Variants in ATP6V0A1 observed in about 807,000 individuals in gnomAD.
The protein encoded by ATP6V0A1 is V-type proton ATPase 116 kDa subunit a 1.
Under a neutral mutation model 105.4 loss-of-function variants are expected in ATP6V0A1, and 43 were observed. The observed-to-expected ratio is 0.41, with a 90% CI of 0.32 to 0.53. The LOEUF is 0.53. Ranked by LOEUF, ATP6V0A1 falls within the 20% of genes least tolerant of loss-of-function variation. The pLI is 0.30. For missense variants in ATP6V0A1, 676 were observed against 1,051.1 expected (o/e 0.64, Z 4.93); for synonymous variants, 362 against 372.8 (o/e 0.97, Z 0.33).
At position 42,483,258 on chromosome 17, in the gene ATP6V0A1, A is replaced by C. The variant is rs142427885; in HGVS notation, c.810+127A>C. 1.2e-3 allele frequency: 733 copies of C among 589,044 alleles called. 8 individuals are homozygous for C. The African/African-American group carries it at 0.013, about 10-fold the overall frequency. The allele number at this position is 589,044 out of a possible 1,614,324, so 36.5% of individuals were successfully genotyped here. On this transcript the variant is annotated intron_variant, in intron 9 of 21. Coordinates refer to ENST00000343619, the MANE Select transcript of ATP6V0A1 (RefSeq NM_001130021.3). ...ACCAGGATACCAAAAAAAGAAATGT[A>C]CATGGGTAATATGTCCTTCTGGGAG...
chr17:42,491,922 C>G (rs2090676867), intron 11 of ATP6V0A1, among the ~76,000 whole-genome samples: 1 of 152,228 alleles, frequency 6.6e-6, no homozygotes, highest in South Asian at 2.1e-4. Flanking sequence ...GCCACTGCGC[C>G]CAGCCAATCC....
intron 9 of ATP6V0A1, among the ~76,000 whole-genome samples, chr17:42,486,346 G>GGTT (rs2090112281): frequency 6.6e-6 from 1 of 152,106 alleles, no homozygotes; most frequent in Non-Finnish European, 1.5e-5. Context: ...GGGAGGTGGA[G>GGTT]GTTGTGGTGA....
At chr17:42,468,237 G>C (rs2061173623) in intron 4 of ATP6V0A1, 130 bp downstream of exon 4, 1 of 522,688 alleles carries the variant, frequency 1.9e-6, no homozygotes, top group African/African-American at 2.0e-5. Flanking sequence ...TAAGTTTCTT[G>C]TAGGTGGGAT....
intron 2 of ATP6V0A1, among the ~76,000 whole-genome samples, 199 bp from the exon 3 acceptor site, chr17:42,466,230 C>A (rs563665268): frequency 6.6e-6 from 1 of 152,290 alleles, no homozygotes; most frequent in Non-Finnish European, 1.5e-5. Context: ...AATGTTGCAG[C>A]AACGAGGGAG....
intron 14 of ATP6V0A1, 104 bp from the exon 15 acceptor site, chr17:42,498,820 G>A (rs1002388216): frequency 1.3e-5 from 10 of 754,560 alleles, no homozygotes; most frequent in Admixed American, 5.0e-5. Context: ...AGCGAGACTC[G>A]TCTCTAAATA....
intron 21 of ATP6V0A1, chr17:42,520,184 T>A (rs571937808): frequency 3.0e-6 from 1 of 338,772 alleles, no homozygotes; most frequent in Non-Finnish European, 5.8e-6. Flanking sequence ...ATGTGGAAAC[T>A]ATTCCTCAGG....
At chr17:42,470,378 T>G (rs978893903) in intron 5 of ATP6V0A1, 160 bp downstream of exon 5, 1 of 857,612 alleles carries the variant, frequency 1.2e-6, no homozygotes, top group Non-Finnish European at 1.8e-6. Flanking sequence ...TGTTCCATTT[T>G]TCATGCAGTA....
chr17:42,462,044 CAAAAA>C (rs1040242459), intron 2 of ATP6V0A1, among the ~76,000 whole-genome samples: 3 of 52,898 alleles, frequency 5.7e-5, no homozygotes, highest in Non-Finnish European at 3.8e-5. Flanking sequence ...CCGTCTCTGC[CAAAAA>C]AAAAAAAAAA....
intron 5 of ATP6V0A1, among the ~76,000 whole-genome samples, chr17:42,473,786 A>G (rs1489581040): frequency 6.6e-6 from 1 of 152,242 alleles, no homozygotes; most frequent in African/African-American, 2.4e-5. Flanking sequence ...AAGGGAAATA[A>G]TTATTTAAAC....
chr17:42,465,546 T>G (rs887398406), intron 2 of ATP6V0A1, among the ~76,000 whole-genome samples: 1 of 151,802 alleles, frequency 6.6e-6, no homozygotes, highest in African/African-American at 2.4e-5. Context: ...CACCTTGGCC[T>G]CCCAAAATGC....
intron 10 of ATP6V0A1, among the ~76,000 whole-genome samples, chr17:42,490,075 G>A (rs2090487274): frequency 6.6e-6 from 1 of 152,206 alleles, no homozygotes; most frequent in African/African-American, 2.4e-5. Flanking sequence ...CAAGGGATCA[G>A]GAAGTTAAGA....
chr17:42,495,097 A>C lies in ATP6V0A1; in HGVS notation c.1378A>C (p.Thr460Pro). Residue 460 changes from threonine (T) to proline (P), a missense_variant, in exon 13 of 22, where the codon ACT becomes CCT. Physicochemically the swap from Thr to Pro is conservative, Grantham distance 38 (BLOSUM62 -1). Around this residue, in one of 3 missense-constraint regions of ATP6V0A1, gnomAD observed 435 missense variants for 642.2 expected, o/e 0.68. Transcript: ENST00000343619. ...ATTGATGGGTGTGTTCTCCATGTAC[A>C]CTGGCCTCATCTACAATGATTGCTT... ...ILLMGVFSMYTGLIYNDCFSK... is the reference protein window; with the variant it reads ...ILLMGVFSMYPGLIYNDCFSK... 1 of 1,613,980 alleles carries C rather than the reference A, an allele frequency of 6.2e-7. No homozygotes were observed. The highest frequency in any genetic ancestry group is 8.5e-7 in the Non-Finnish European group (1 of 1,179,830).
At position 42,517,307 on chromosome 17, in the gene ATP6V0A1, A is replaced by AC. The variant is rs530734145; in HGVS notation, c.2420+2847_2420+2848insC. On this transcript the variant is annotated intron_variant, in intron 21 of 21. Transcript: ENST00000343619. ...AACAACAACAACAACAACAACAACA[A>AC]AAAAACCTGGGATGCCCTAGAGAGA... Among the ~76,000 whole-genome samples the AC allele has an allele frequency of 1.7e-4, 25 of 148,996 alleles. No homozygotes were observed. The South Asian group carries it at 2.7e-3, about 16-fold the overall frequency.
At chr17:42,516,640 C>A (rs956408521) in intron 21 of ATP6V0A1, among the ~76,000 whole-genome samples, 1 of 152,210 alleles carries the variant, frequency 6.6e-6, no homozygotes, top group Non-Finnish European at 1.5e-5. Context: ...CGTGGGTAGC[C>A]GGTCATCTCC....
chr17:42,498,515 AAAT>A (rs1352127569), intron 14 of ATP6V0A1, among the ~76,000 whole-genome samples: 3 of 152,078 alleles, frequency 2.0e-5, no homozygotes, highest in Admixed American at 2.0e-4. Flanking sequence ...TTTCCATAAT[AAAT>A]AATATTGATT....
intron 11 of ATP6V0A1, among the ~76,000 whole-genome samples, chr17:42,492,637 C>T (rs1421326369): frequency 1.4e-5 from 2 of 144,244 alleles, no homozygotes; most frequent in Non-Finnish European, 3.0e-5. Flanking sequence ...ACCGGGGAGA[C>T]GGAGGTTGCC....
chr17:42,502,986 G>A (rs1157099882), intron 17 of ATP6V0A1: 1 of 152,336 alleles, frequency 6.6e-6, no homozygotes, highest in Non-Finnish European at 1.5e-5. Flanking sequence ...TGGGAAATAT[G>A]TCCTTGTTAC....
intron 18 of ATP6V0A1, 56 bp from the exon 19 acceptor site, chr17:42,508,516 C>T: frequency 6.2e-7 from 1 of 1,609,450 alleles, no homozygotes; most frequent in East Asian, 2.2e-5. Context: ...GTGCTCCTAA[C>T]TTGTGACCTT....
chr17:42,519,643 A>T (rs1327605928), intron 21 of ATP6V0A1: 1 of 152,144 alleles, frequency 6.6e-6, no homozygotes, highest in East Asian at 1.9e-4. Flanking sequence ...TTGGAGAAGT[A>T]GTTTTGGTGG....
Sources: allele counts gnomAD v4.1 joint callset (sites outside exome capture counted in the v4.1 genomes callset), GRCh38; gene constraint gnomAD v4.1.1; regional missense constraint gnomAD v4.1.1; transcripts MANE v1.5; gene names NCBI Gene and HGNC (gene_info 2026-07-23, HGNC 2026-07-21).